The following MTA3 variants were observed in gnomAD, a reference collection of about 807,000 sequenced individuals.
The protein encoded by MTA3 is metastasis-associated protein MTA3.
MTA3 carries 34 observed loss-of-function variants against 83.5 expected under a neutral mutation model. That is an observed-to-expected ratio of 0.41 (90% confidence interval 0.31 to 0.54). The LOEUF is 0.54. Among genes scored for constraint, MTA3 ranks in the 20% least tolerant of loss-of-function variants. The pLI, the probability that MTA3 is intolerant of heterozygous loss-of-function variation, is 0.33. For synonymous variants in MTA3, 303 were observed against 252.7 expected (o/e 1.20, Z -1.89); for missense variants, 761 against 726.4 (o/e 1.05, Z -0.55).
intron 16 of MTA3, among the ~76,000 whole-genome samples, chr2:42,739,747 A>G (rs1668886390): frequency 2.0e-5 from 3 of 150,798 alleles, no homozygotes; most frequent in Non-Finnish European, 2.9e-5. Context: ...TGCTTTACCA[A>G]CTAAGTTTAT....
chr2:42,519,205 C>G (rs1356174053), intron 2 of MTA3, among the ~76,000 whole-genome samples: 2 of 152,054 alleles, frequency 1.3e-5, no homozygotes, highest in African/African-American at 4.8e-5. Flanking sequence ...CCCCTAAAAT[C>G]TCACAACCCA....
intron 16 of MTA3, among the ~76,000 whole-genome samples, chr2:42,724,843 G>A: frequency 6.6e-6 from 1 of 152,132 alleles, no homozygotes; most frequent in Non-Finnish European, 1.5e-5. Context: ...CCCTCTCTAG[G>A]GCTGTTTGTT....
intron 2 of MTA3, among the ~76,000 whole-genome samples, chr2:42,576,262 C>T (rs1436410165): frequency 2.0e-5 from 3 of 152,084 alleles, no homozygotes; most frequent in Non-Finnish European, 4.4e-5. Flanking sequence ...TCTAAGAAGG[C>T]AAGAACCTTG....
chr2:42,525,666 C>G (rs1343470106), intron 2 of MTA3, among the ~76,000 whole-genome samples: 2 of 141,898 alleles, frequency 1.4e-5, no homozygotes, highest in Non-Finnish European at 3.1e-5. Context: ...TTCTTTCTTT[C>G]TTTCTTTCGT....
At chr2:42,517,121 G>A (rs1675181903) in intron 2 of MTA3, among the ~76,000 whole-genome samples, 2 of 152,162 alleles carry the variant, frequency 1.3e-5, no homozygotes, top group South Asian at 2.1e-4. Context: ...TAAACCGGGT[G>A]TGGTGGTGCA....
chr2:42,553,971 C>A lies in MTA3; in HGVS notation c.-140-16466C>A, dbSNP rs112410694. On this transcript the variant is annotated intron_variant, in intron 2 of 17. Transcript: ENST00000405592. ...AGTTATCAGCGGGCATGGTGGCTCACGCGTGTAATCCCAGCACTTTGGGAG... is the reference window on the plus strand; with the variant it reads ...AGTTATCAGCGGGCATGGTGGCTCAAGCGTGTAATCCCAGCACTTTGGGAG... Among the ~76,000 whole-genome samples, 900 of 150,320 alleles carry A rather than the reference C, an allele frequency of 6.0e-3. 8 individuals are homozygous for A. Among genetic ancestry groups the A allele is most frequent in the African/African-American group, 0.02 (811 of 40,932 alleles).
chr2:42,509,112 G>C (rs1223155275), intron 2 of MTA3, among the ~76,000 whole-genome samples: 1 of 151,760 alleles, frequency 6.6e-6, no homozygotes, highest in Non-Finnish European at 1.5e-5. Context: ...GCGTGATCTT[G>C]GCTCACTGCA....
At chr2:42,619,866 C>A (rs1291027816) in intron 4 of MTA3, among the ~76,000 whole-genome samples, 1 of 152,068 alleles carries the variant, frequency 6.6e-6, no homozygotes, top group Admixed American at 6.6e-5. Flanking sequence ...TGGTACCAGG[C>A]CGAGCTAGTT....
At chr2:42,622,849 T>C (rs951950954) in intron 4 of MTA3, among the ~76,000 whole-genome samples, 1 of 152,140 alleles carries the variant, frequency 6.6e-6, no homozygotes, top group Admixed American at 6.6e-5. Context: ...AAGTCAGTCT[T>C]GACAAACAAA....
At chr2:42,510,744 G>A (rs1028652658) in intron 2 of MTA3, among the ~76,000 whole-genome samples, 3 of 152,258 alleles carry the variant, frequency 2.0e-5, no homozygotes, top group African/African-American at 4.8e-5. Context: ...GGGAAGAAGC[G>A]TTCCAGCAAA....
chr2:42,532,452 G>T (rs1365342695), intron 2 of MTA3, among the ~76,000 whole-genome samples: 3 of 152,206 alleles, frequency 2.0e-5, no homozygotes, highest in African/African-American at 7.2e-5. Flanking sequence ...AGAGGTTGCA[G>T]TGAGCCAAGA....
intron 2 of MTA3, among the ~76,000 whole-genome samples, chr2:42,545,549 ATG>A (rs747131642): frequency 6.6e-6 from 1 of 152,106 alleles, no homozygotes. Flanking sequence ...GGAGTTAAAA[ATG>A]TGTGAGTGTT....
chr2:42,643,048 T>C (rs1480955283), intron 5 of MTA3, among the ~76,000 whole-genome samples: 2 of 116,988 alleles, frequency 1.7e-5, no homozygotes, highest in African/African-American at 6.8e-5. Flanking sequence ...CCCCCCCCCT[T>C]TTTTTTTTAA....
chr2:42,520,047 AAAAT>A (rs970722497), intron 2 of MTA3, among the ~76,000 whole-genome samples: 31 of 152,360 alleles, frequency 2.0e-4, no homozygotes, highest in African/African-American at 6.7e-4. Flanking sequence ...TGTCTCAAAA[AAAAT>A]AAATAAAGTG....
intron 4 of MTA3, among the ~76,000 whole-genome samples, chr2:42,615,711 CTTTTT>C (rs35331224): frequency 3.7e-4 from 22 of 59,802 alleles, no homozygotes; most frequent in South Asian, 7.9e-4. Flanking sequence ...ATAATCTCTT[CTTTTT>C]TTTTTTTTTT....
chr2:42,621,973 C>A (rs1458116778), intron 4 of MTA3, among the ~76,000 whole-genome samples: 1 of 151,902 alleles, frequency 6.6e-6, no homozygotes, highest in Non-Finnish European at 1.5e-5. Flanking sequence ...GGCGGCCAGG[C>A]AGAGACGCTC....
chr2:42,623,502 G>C (rs969089963), intron 4 of MTA3, among the ~76,000 whole-genome samples: 31 of 152,260 alleles, frequency 2.0e-4, no homozygotes, highest in African/African-American at 7.2e-4. Context: ...TAGCTTGCAA[G>C]CTTGGGAATC....
chr2:42,724,756 C>T (rs535393813), intron 16 of MTA3, among the ~76,000 whole-genome samples: 11 of 152,304 alleles, frequency 7.2e-5, no homozygotes, highest in Middle Eastern at 6.8e-3. Context: ...CCTGCAATAC[C>T]TCTTCTGTTG....
chr2:42,697,717 T>C (rs772681816), intron 10 of MTA3, 59 bp from the exon 11 acceptor site: 37 of 1,146,796 alleles, frequency 3.2e-5, no homozygotes, highest in Non-Finnish European at 4.3e-5. Context: ...TTTAAGACAA[T>C]GAACAGTAGT....
Sources: gnomAD v4.1 joint callset for allele counts (sites outside exome capture counted in the v4.1 genomes callset) on GRCh38, gnomAD v4.1.1 for gene constraint, MANE v1.5 for transcripts, NCBI Gene and HGNC (gene_info 2026-07-23, HGNC 2026-07-21) for gene names.